CNTNAP5: variants seen among roughly 807,000 people sequenced by gnomAD.
CNTNAP5 encodes contactin associated protein family member 5, also known as contactin-associated protein-like 5.
In CNTNAP5, 72 loss-of-function variants were observed where a neutral mutation model predicts 150.2. That is an observed-to-expected ratio of 0.48 (90% CI 0.40 to 0.58). The LOEUF (loss-of-function observed/expected upper bound fraction) is 0.58, where lower values mean the gene tolerates loss of function less well. Ranked by LOEUF, CNTNAP5 falls within the 20% of genes least tolerant of loss-of-function variation. The pLI is 0.00. For synonymous variants in CNTNAP5, 672 were observed against 619.8 expected (o/e 1.08, Z -1.25); for missense variants, 1,636 against 1,626.2 (o/e 1.01, Z -0.10).
intron 5 of CNTNAP5, among the ~76,000 whole-genome samples, chr2:124,443,290 ATT>A (rs1197979097): frequency 6.7e-6 from 1 of 149,586 alleles, no homozygotes; most frequent in Non-Finnish European, 1.5e-5. Context: ...CATATGTTAT[ATT>A]TATATATGTA....
At chr2:124,419,623 A>T (rs1223378937) in intron 4 of CNTNAP5, among the ~76,000 whole-genome samples, 1 of 152,172 alleles carries the variant, frequency 6.6e-6, no homozygotes, top group African/African-American at 2.4e-5. Flanking sequence ...TTCCAATGGG[A>T]TAAACTGCCT....
At chr2:124,188,514 T>TGGAGAC (rs2104690766) in intron 1 of CNTNAP5, among the ~76,000 whole-genome samples, 1 of 152,010 alleles carries the variant, frequency 6.6e-6, no homozygotes, top group African/African-American at 2.4e-5. Flanking sequence ...GGTCAGGAGA[T>TGGAGAC]GGAGACCATC....
intron 1 of CNTNAP5, among the ~76,000 whole-genome samples, chr2:124,197,852 G>T (rs190507381): frequency 6.6e-6 from 1 of 151,814 alleles, no homozygotes; most frequent in Non-Finnish European, 1.5e-5. Context: ...GTGGTGGCGG[G>T]TGCCTGTAGT....
At chr2:124,629,825 C>A (rs1573508763) in intron 12 of CNTNAP5, among the ~76,000 whole-genome samples, 2 of 131,572 alleles carry the variant, frequency 1.5e-5, no homozygotes, top group African/African-American at 5.7e-5. Flanking sequence ...GCTAGCAAGA[C>A]TAACAAGAAG....
chr2:124,179,972 T>C (rs1260822159), intron 1 of CNTNAP5, among the ~76,000 whole-genome samples: 1 of 152,004 alleles, frequency 6.6e-6, no homozygotes, highest in Admixed American at 6.6e-5. Context: ...CCCATGATTC[T>C]TTTCCATTTT....
chr2:124,704,094 A>G (rs1261299176), intron 13 of CNTNAP5, among the ~76,000 whole-genome samples: 2 of 152,146 alleles, frequency 1.3e-5, no homozygotes, highest in Non-Finnish European at 1.5e-5. Context: ...AAGGTCAAGG[A>G]TTTCCCACAT....
At chr2:124,897,524 G>A (rs1678329897) in intron 21 of CNTNAP5, among the ~76,000 whole-genome samples, 2 of 151,556 alleles carry the variant, frequency 1.3e-5, no homozygotes, top group Non-Finnish European at 2.9e-5. Flanking sequence ...CAGTCTTCCA[G>A]GCAGAGAGAA....
At chr2:124,602,018 T>G (rs879821157) in intron 11 of CNTNAP5, among the ~76,000 whole-genome samples, 1 of 152,186 alleles carries the variant, frequency 6.6e-6, no homozygotes, top group Non-Finnish European at 1.5e-5. Context: ...AGAAGATACT[T>G]TTGATTTTCA....
intron 13 of CNTNAP5, among the ~76,000 whole-genome samples, chr2:124,719,524 A>G (rs1019247219): frequency 2.0e-5 from 3 of 152,174 alleles, no homozygotes; most frequent in Non-Finnish European, 4.4e-5. Context: ...GTATAAAAAA[A>G]GGGGTTTTAA....
intron 3 of CNTNAP5, among the ~76,000 whole-genome samples, chr2:124,400,694 T>G (rs1447419103): frequency 1.9e-4 from 28 of 151,120 alleles, no homozygotes; most frequent in African/African-American, 6.6e-4. Flanking sequence ...TTTTTGTTTT[T>G]TTTCTTTAGT....
chr2:124,071,732 C>G (rs889569863), intron 1 of CNTNAP5, among the ~76,000 whole-genome samples: 1 of 151,816 alleles, frequency 6.6e-6, no homozygotes, highest in African/African-American at 2.4e-5. Flanking sequence ...TAAAAAGTCT[C>G]CCAGTAAAGA....
chr2:124,434,355 T>A (rs985596230), intron 4 of CNTNAP5, 129 bp from the exon 5 acceptor site: 8 of 711,172 alleles, frequency 1.1e-5, no homozygotes, highest in Non-Finnish European at 2.0e-5. Flanking sequence ...ACATGTTTCC[T>A]GTTGAGACTA....
intron 13 of CNTNAP5, among the ~76,000 whole-genome samples, chr2:124,669,838 C>T (rs11123058): frequency 0.3 from 45,728 of 152,080 alleles, 7,276 homozygotes; most frequent in Non-Finnish European, 0.34. Context: ...AGATGCAAAA[C>T]TTAAGCACTG....
At chr2:124,906,186 T>C (rs528136259) in intron 22 of CNTNAP5, among the ~76,000 whole-genome samples, 41 of 152,250 alleles carry the variant, frequency 2.7e-4, no homozygotes, top group Admixed American at 2.0e-3. Context: ...GAAACAGTGA[T>C]AGTGTCTTCA....
chr2:124,203,685 A>G (rs1685788225), intron 1 of CNTNAP5, among the ~76,000 whole-genome samples: 1 of 152,192 alleles, frequency 6.6e-6, no homozygotes, highest in Admixed American at 6.5e-5. Context: ...AGCTGCCAAG[A>G]CTTGGTGACT....
intron 21 of CNTNAP5, among the ~76,000 whole-genome samples, chr2:124,896,440 A>AAGT (rs1678306240): frequency 1.3e-5 from 2 of 151,652 alleles, no homozygotes; most frequent in African/African-American, 4.9e-5. Context: ...CTTGAAAAGG[A>AAGT]CAGCCTTTCT....
chr2:124,449,179 C>A (rs1692903474), intron 6 of CNTNAP5, among the ~76,000 whole-genome samples: 2 of 152,182 alleles, frequency 1.3e-5, no homozygotes, highest in East Asian at 3.8e-4. Context: ...ATTTGTCACT[C>A]TTTGACTCAG....
At chr2:124,640,006 G>T (rs2105018628) in intron 12 of CNTNAP5, among the ~76,000 whole-genome samples, 1 of 152,156 alleles carries the variant, frequency 6.6e-6, no homozygotes, top group Middle Eastern at 3.4e-3. Context: ...CCTAGAACCA[G>T]CTGTGAACTC....
chr2:124,075,302 A>G (rs1682411877), intron 1 of CNTNAP5, among the ~76,000 whole-genome samples: 1 of 152,044 alleles, frequency 6.6e-6, no homozygotes, highest in African/African-American at 2.4e-5. Flanking sequence ...ACTCCTTTCT[A>G]AGTTGAGATC....
Sources: gnomAD v4.1 joint callset for allele counts (sites outside exome capture counted in the v4.1 genomes callset) on GRCh38, gnomAD v4.1.1 for gene constraint, MANE v1.5 for transcripts, NCBI Gene and HGNC (gene_info 2026-07-23, HGNC 2026-07-21) for gene names.